Variants in HERC2 observed in about 807,000 individuals in gnomAD.
The protein encoded by HERC2 is E3 ubiquitin-protein ligase HERC2.
In HERC2, 102 loss-of-function variants were observed where a neutral mutation model predicts 537.7. That is an observed-to-expected ratio of 0.19 (90% confidence interval 0.16 to 0.22). HERC2 has a LOEUF of 0.22. Ranked by LOEUF, HERC2 falls within the 10% of genes least tolerant of loss-of-function variation. HERC2 has a pLI of 1.00. For synonymous variants in HERC2, 2,224 were observed against 2,466.2 expected (o/e 0.90, Z 2.91); for missense variants, 4,236 against 6,198.2 (o/e 0.68, Z 10.63).
At chr15:28,150,452 A>G (rs952385076) in intron 70 of HERC2, among the ~76,000 whole-genome samples, 2 of 151,960 alleles carry the variant, frequency 1.3e-5, no homozygotes, top group Admixed American at 1.3e-4. Context: ...CGGCCACACG[A>G]ACGTACATTC....
chr15:28,275,668 A>G (rs781436301), intron 5 of HERC2, among the ~76,000 whole-genome samples: 3 of 152,174 alleles, frequency 2.0e-5, no homozygotes, highest in Non-Finnish European at 2.9e-5. Context: ...ACAAAAATGC[A>G]TATATAGGGG....
At chr15:28,130,055 G>T in intron 83 of HERC2, 108 bp downstream of exon 83, 1 of 1,378,796 alleles carries the variant, frequency 7.3e-7, no homozygotes, top group South Asian at 1.3e-5. Context: ...CAACAGGAGT[G>T]AGCCACCACA....
intron 10 of HERC2, 57 bp from the exon 11 acceptor site, chr15:28,269,493 G>C: frequency 7.1e-7 from 1 of 1,401,898 alleles, no homozygotes; most frequent in Non-Finnish European, 1.0e-6. Flanking sequence ...AAAAAAGGCT[G>C]GGAGTAACAC....
intron 83 of HERC2, 72 bp from the exon 84 acceptor site, chr15:28,125,265 C>T: frequency 1.6e-6 from 2 of 1,245,184 alleles, no homozygotes; most frequent in South Asian, 2.5e-5. Context: ...AGTGTCTTCC[C>T]ACCACACACA....
intron 52 of HERC2, 56 bp from the exon 53 acceptor site, chr15:28,192,207 C>T (rs749583714): frequency 7.0e-7 from 1 of 1,428,950 alleles, no homozygotes; most frequent in Non-Finnish European, 9.7e-7. Context: ...GGAGAAACAT[C>T]ATGATCAAGA....
chr15:28,256,748 C>T (rs1301719335), intron 17 of HERC2, among the ~76,000 whole-genome samples: 1 of 152,134 alleles, frequency 6.6e-6, no homozygotes, highest in Non-Finnish European at 1.5e-5. Flanking sequence ...GCGCCCGCCA[C>T]CACAACTGGC....
chr15:28,298,418 G>C (rs1046057464), intron 3 of HERC2: 3 of 150,480 alleles, frequency 2.0e-5, no homozygotes, highest in African/African-American at 7.3e-5. Context: ...GCCTCCCAAA[G>C]TGCTGGAATT....
intron 92 of HERC2, among the ~76,000 whole-genome samples, chr15:28,112,591 C>T (rs530053591): frequency 2.6e-4 from 39 of 152,332 alleles, no homozygotes; most frequent in Admixed American, 7.8e-4. Context: ...ACTGCTGTTA[C>T]GGTCCCAACA....
intron 65 of HERC2, among the ~76,000 whole-genome samples, chr15:28,173,782 C>A (rs1409455503): frequency 5.5e-5 from 8 of 145,714 alleles, no homozygotes. Context: ...CAGAGTGAGA[C>A]CCTGTCTACA....
intron 35 of HERC2, among the ~76,000 whole-genome samples, chr15:28,223,398 G>T (rs976956532): frequency 6.6e-6 from 1 of 152,144 alleles, no homozygotes; most frequent in African/African-American, 2.4e-5. Context: ...TAAAAAGTTT[G>T]TGTTTCTCTC....
At chr15:28,143,304 G>A (rs1596039317) in intron 74 of HERC2, among the ~76,000 whole-genome samples, 1 of 152,198 alleles carries the variant, frequency 6.6e-6, no homozygotes, top group East Asian at 1.9e-4. Context: ...CAATCAGTTA[G>A]CCTCATTGTA....
At chr15:28,145,938 A>C (rs111355943) in intron 71 of HERC2, among the ~76,000 whole-genome samples, 23 of 152,314 alleles carry the variant, frequency 1.5e-4, no homozygotes, top group African/African-American at 5.5e-4. Context: ...CAGTATGCCA[A>C]CCATGACCTT....
chr15:28,235,160 T>C (rs1257622596), intron 26 of HERC2, among the ~76,000 whole-genome samples: 5 of 152,056 alleles, frequency 3.3e-5, no homozygotes, highest in Admixed American at 2.0e-4. Flanking sequence ...ACTGGACATT[T>C]AGATTTTAGA....
At chr15:28,247,284 C>A (rs1326055045) in intron 21 of HERC2, among the ~76,000 whole-genome samples, 1 of 151,960 alleles carries the variant, frequency 6.6e-6, no homozygotes, top group Non-Finnish European at 1.5e-5. Context: ...GCATGCACTA[C>A]CACACCCAGC....
At chr15:28,198,327 T>G in intron 50 of HERC2, 51 bp downstream of exon 50, 1 of 1,575,742 alleles carries the variant, frequency 6.3e-7, no homozygotes, top group Non-Finnish European at 8.7e-7. Flanking sequence ...TAAGTACACA[T>G]GCGTTAATGA....
chr15:28,223,296 T>C (rs1333931649), intron 35 of HERC2, among the ~76,000 whole-genome samples: 1 of 152,188 alleles, frequency 6.6e-6, no homozygotes, highest in Admixed American at 6.5e-5. Flanking sequence ...AGTGTGGTTC[T>C]GGTAACTCCC....
At chr15:28,112,369 C>T (rs1887741219) in intron 92 of HERC2, among the ~76,000 whole-genome samples, 1 of 152,162 alleles carries the variant, frequency 6.6e-6, no homozygotes, top group Non-Finnish European at 1.5e-5. Context: ...TCTACCAGCC[C>T]AACTTTGACC....
chr15:28,299,276 G>A, intron 3 of HERC2, 126 bp downstream of exon 3: 1 of 475,836 alleles, frequency 2.1e-6, no homozygotes. Flanking sequence ...AATCTCCAAA[G>A]TAAAAAGCAA....
rs555769912 is a variant in HERC2, at chr15:28,231,933, C to T, written c.4675+1213G>A. The stretch of plus-strand genomic sequence containing the variant: ...AGTGACAGTGTGGGCTCAGAACCCA[C>T]GGATATGAGATGGCAAATGTGGAGT... On this transcript the variant is annotated intron_variant, in intron 30 of 92. Transcript: ENST00000261609. Among the ~76,000 whole-genome samples, 381 of 152,158 alleles carry T rather than the reference C, an allele frequency of 2.5e-3. 2 individuals carry two copies. Among genetic ancestry groups the T allele is most frequent in the African/African-American group, 8.1e-3 (337 of 41,522 alleles).
Sources: allele counts gnomAD v4.1 joint callset (sites outside exome capture counted in the v4.1 genomes callset), GRCh38; gene constraint gnomAD v4.1.1; transcripts MANE v1.5; gene names NCBI Gene and HGNC (gene_info 2026-07-23, HGNC 2026-07-21).